Variants in DPP6 observed in about 807,000 individuals in gnomAD.
The protein encoded by DPP6 is dipeptidyl peptidase like 6.
Under a neutral mutation model 122.6 loss-of-function variants are expected in DPP6, and 69 were observed. The observed-to-expected ratio is 0.56, with a 90% CI of 0.46 to 0.69. The LOEUF is 0.69. Among genes scored for constraint, DPP6 ranks in the 30% least tolerant of loss-of-function variants. The pLI is 0.00. For missense variants in DPP6, 928 were observed against 1,116.9 expected (o/e 0.83, Z 2.41); for synonymous variants, 418 against 433.1 (o/e 0.97, Z 0.43).
At position 154,618,192 on chromosome 7, in the gene DPP6, T is replaced by C. The variant is rs868263821; in HGVS notation, c.628-19629T>C. On this transcript the variant is annotated intron_variant, in intron 5 of 25. Coordinates refer to ENST00000377770, the MANE Select transcript of DPP6 (RefSeq NM_130797.4). This position sits in a 1 kb window ranked among gnomAD's most constrained non-coding sequence, Gnocchi z 4.1. ...CGGAATTGTACCCTGTGAAAAAGCA[T>C]AGCTGCTTTTCTCACAGAGTAAAGA... Among the ~76,000 whole-genome samples the C allele has an allele frequency of 2.0e-5, 3 of 152,168 alleles. No homozygotes were observed. Among genetic ancestry groups the C allele is most frequent in the Admixed American group, 6.5e-5 (1 of 15,272 alleles).
the DPP6 span, among the ~76,000 whole-genome samples, chr7:153,843,082 A>G: frequency 8.4e-6 from 1 of 119,534 alleles, no homozygotes; most frequent in East Asian, 2.1e-4. Flanking sequence ...ACACGTGCGC[A>G]CACACACGAG....
At chr7:154,885,825 C>T in intron 22 of DPP6, 81 bp downstream of exon 22, 1 of 1,523,334 alleles carries the variant, frequency 6.6e-7, no homozygotes, top group Non-Finnish European at 8.8e-7. Flanking sequence ...CACAGCCCTC[C>T]CTTCAGCACC....
At position 154,446,286 on chromosome 7, in the gene DPP6, A is replaced by G. The variant is rs745350558; in HGVS notation, c.316A>G (p.Ile106Val). Residue 106 changes from isoleucine (I) to valine (V), a missense_variant, in exon 2 of 26, where the codon ATC (isoleucine) becomes GTC (valine). Physicochemically the swap from Ile to Val is conservative, Grantham distance 29. Transcript: ENST00000377770. ...IAIALLVILVICSLIVTSVIL... is the reference protein window; with the variant it reads ...IAIALLVILVVCSLIVTSVIL... ...AATTGCACTGCTTGTCATTCTGGTC[A>G]TCTGCTCCTTGATCGTCACCTCGGT... is the stretch of plus-strand genomic sequence containing the variant. The G allele has an allele frequency of 1.2e-6, 2 of 1,612,730 alleles. No individual in the cohort carries two copies. Among genetic ancestry groups the G allele is most frequent in the East Asian group, 2.2e-5 (1 of 44,798 alleles).
At chr7:154,058,466 C>A (rs975202789) in intron 1 of DPP6, 1 of 134,466 alleles carries the variant, frequency 7.4e-6, no homozygotes, top group Non-Finnish European at 1.6e-5. Context: ...GCTGTTGGTA[C>A]CCCCATCGTA....
chr7:154,763,205 G>C (rs552959982), intron 8 of DPP6, among the ~76,000 whole-genome samples: 9 of 152,130 alleles, frequency 5.9e-5, no homozygotes, highest in Non-Finnish European at 1.2e-4. Flanking sequence ...GGTGGCGGGT[G>C]CCTGTAATCC....
intron 3 of DPP6, among the ~76,000 whole-genome samples, chr7:154,521,617 T>C (rs187969331): frequency 1.4e-3 from 213 of 152,334 alleles, no homozygotes; most frequent in African/African-American, 5.1e-3. Flanking sequence ...TTAAGTGAAA[T>C]TGAAAGCCAC....
At chr7:154,554,784 G>A (rs1301576421) in intron 4 of DPP6, among the ~76,000 whole-genome samples, 1 of 152,142 alleles carries the variant, frequency 6.6e-6, no homozygotes, top group East Asian at 1.9e-4. Context: ...AACAAGTGGA[G>A]TTCAGCTGTG....
chr7:154,661,861 T>C (rs1586834109), intron 6 of DPP6, among the ~76,000 whole-genome samples: 1 of 150,802 alleles, frequency 6.6e-6, no homozygotes, highest in Non-Finnish European at 1.5e-5. Context: ...GGCCATAGTG[T>C]TCATATAGTC....
intron 1 of DPP6, among the ~76,000 whole-genome samples, chr7:154,357,100 A>G (rs10269638): frequency 0.1 from 15,272 of 152,236 alleles, 1,995 homozygotes; most frequent in African/African-American, 0.3. Flanking sequence ...TCCTCATAAT[A>G]TATTTTAAAT....
chr7:154,337,580 A>T (rs1809539495), intron 1 of DPP6, among the ~76,000 whole-genome samples: 1 of 152,118 alleles, frequency 6.6e-6, no homozygotes, highest in African/African-American at 2.4e-5. Context: ...GTCATTTCTG[A>T]GTCTTCAAAG....
chr7:154,751,488 T>C (rs1430214553), intron 8 of DPP6, among the ~76,000 whole-genome samples: 1 of 150,862 alleles, frequency 6.6e-6, no homozygotes, highest in African/African-American at 2.4e-5. Context: ...TGGGTGTCTG[T>C]TGTCCCCACT....
chr7:153,855,662 A>G, the DPP6 span, among the ~76,000 whole-genome samples: 19 of 152,120 alleles, frequency 1.2e-4, no homozygotes, highest in African/African-American at 4.1e-4. Context: ...CAAATCTACC[A>G]GTGTACTTCT....
intron 1 of DPP6, among the ~76,000 whole-genome samples, chr7:153,966,090 T>G: frequency 8.4e-6 from 1 of 118,360 alleles, no homozygotes. Context: ...ACAGATGGGA[T>G]GTGGAAGATG....
intron 1 of DPP6, among the ~76,000 whole-genome samples, chr7:154,323,242 G>A (rs569865506): frequency 9.2e-5 from 14 of 152,092 alleles, no homozygotes; most frequent in African/African-American, 3.1e-4. Context: ...TAGCTCTATC[G>A]TGAAAGTCTC....
chr7:154,063,266 A>AC (rs1274202877), intron 1 of DPP6, among the ~76,000 whole-genome samples: 2 of 124,166 alleles, frequency 1.6e-5, no homozygotes, highest in African/African-American at 3.0e-5. Context: ...GGCTCTTAGG[A>AC]CCCCCATCGC....
the DPP6 span, among the ~76,000 whole-genome samples, chr7:153,822,479 C>T: frequency 1.3e-5 from 2 of 152,156 alleles, no homozygotes; most frequent in South Asian, 2.1e-4. Flanking sequence ...GCATGAGCCA[C>T]TGTGCCCGGT....
chr7:154,540,435 T>A, intron 3 of DPP6, 97 bp from the exon 4 acceptor site: 1 of 769,754 alleles, frequency 1.3e-6, no homozygotes, highest in Non-Finnish European at 2.2e-6. Context: ...TATCTTTTTT[T>A]CAGAACTAGT....
At chr7:154,495,379 G>A (rs1309757031) in intron 3 of DPP6, among the ~76,000 whole-genome samples, 1 of 42,234 alleles carries the variant, frequency 2.4e-5, no homozygotes, top group African/African-American at 1.1e-4. Context: ...GCTTTGGGGG[G>A]TTTGTTGTGG....
chr7:154,823,633 G>A (rs890873537), intron 16 of DPP6, among the ~76,000 whole-genome samples: 7 of 152,166 alleles, frequency 4.6e-5, no homozygotes, highest in African/African-American at 9.7e-5. Flanking sequence ...ATGGACATAC[G>A]GTGAAGGTGG....
Sources: allele counts gnomAD v4.1 joint callset (sites outside exome capture counted in the v4.1 genomes callset), GRCh38; gene constraint gnomAD v4.1.1; non-coding constraint Gnocchi (gnomAD v3.1); transcripts MANE v1.5; gene names NCBI Gene and HGNC (gene_info 2026-07-23, HGNC 2026-07-21).